TLL1: variants seen among roughly 807,000 people sequenced by gnomAD.
The protein encoded by TLL1 is tolloid-like protein 1.
A neutral mutation model predicts 128.2 loss-of-function variants in TLL1; 49 were observed. The ratio of observed to expected loss-of-function variants is 0.38; its 90% CI spans 0.30 to 0.48. TLL1 has a LOEUF of 0.48. Ranked by LOEUF, TLL1 falls within the 20% of genes least tolerant of loss-of-function variation. TLL1 has a pLI of 0.96. For synonymous variants in TLL1, 454 were observed against 418.8 expected (o/e 1.08, Z -1.03); for missense variants, 1,123 against 1,242.0 (o/e 0.90, Z 1.44).
rs111604853 is a variant in TLL1, at chr4:165,887,027, G to T, written c.169+12954G>T. 5.0e-3 allele frequency among the ~76,000 whole-genome samples: 754 copies of T among 152,280 alleles called. 5 individuals are homozygous for T. Among genetic ancestry groups the T allele is most frequent in the African/African-American group, 0.016 (678 of 41,564 alleles). ...ATGAAAATACAGGAAGTGGCAAATGGTCTAACATGGACAGAGCAAAGGATG... is the reference window on the plus strand; with the variant it reads ...ATGAAAATACAGGAAGTGGCAAATGTTCTAACATGGACAGAGCAAAGGATG... On this transcript the variant is annotated intron_variant, in intron 1 of 20. Transcript: ENST00000061240.
chr4:165,887,355 G>C (rs1001885183), intron 1 of TLL1, among the ~76,000 whole-genome samples: 3 of 152,136 alleles, frequency 2.0e-5, no homozygotes, highest in Non-Finnish European at 4.4e-5. Flanking sequence ...AGTAGCCACA[G>C]AAAAGAGGGA....
At chr4:166,087,520 G>A (rs1741578847) in intron 18 of TLL1, among the ~76,000 whole-genome samples, 2 of 152,154 alleles carry the variant, frequency 1.3e-5, no homozygotes, top group Admixed American at 6.5e-5. Context: ...GTGAAAGATG[G>A]CTGGGACTGG....
At chr4:165,912,001 G>A (rs1008426211) in intron 1 of TLL1, among the ~76,000 whole-genome samples, 3 of 151,892 alleles carry the variant, frequency 2.0e-5, no homozygotes, top group African/African-American at 7.3e-5. Context: ...TCAGCCTCCC[G>A]AGTAGCTGGG....
intron 1 of TLL1, among the ~76,000 whole-genome samples, chr4:165,904,643 A>T (rs928011947): frequency 2.0e-5 from 3 of 152,240 alleles, no homozygotes; most frequent in Non-Finnish European, 1.5e-5. Context: ...CTTAATTCAT[A>T]AAAGCACCAT....
chr4:166,096,449 TC>T (rs1175141592), intron 19 of TLL1, among the ~76,000 whole-genome samples: 1 of 152,020 alleles, frequency 6.6e-6, no homozygotes, highest in Admixed American at 6.6e-5. Flanking sequence ...AAAGACAACT[TC>T]CAGTGATTTT....
intron 1 of TLL1, among the ~76,000 whole-genome samples, chr4:165,967,528 C>T (rs907509266): frequency 5.9e-5 from 9 of 152,196 alleles, no homozygotes; most frequent in East Asian, 3.9e-4. Flanking sequence ...TGGCTTTGGC[C>T]GGTCACTCCG....
intron 1 of TLL1, among the ~76,000 whole-genome samples, chr4:165,959,756 CAATT>C (rs1387400671): frequency 6.6e-6 from 1 of 151,984 alleles, no homozygotes; most frequent in African/African-American, 2.4e-5. Flanking sequence ...ATGAAACACA[CAATT>C]AAGGCAGAAA....
At chr4:166,015,023 TA>T (rs140142627) in intron 8 of TLL1, among the ~76,000 whole-genome samples, 7,757 of 151,132 alleles carry the variant, frequency 0.051, 658 homozygotes, top group African/African-American at 0.17. Flanking sequence ...AACTTTGTTG[TA>T]AAAAAAAATG....
chr4:166,034,693 A>T (rs1738918802), intron 9 of TLL1, among the ~76,000 whole-genome samples: 1 of 152,166 alleles, frequency 6.6e-6, no homozygotes, highest in Admixed American at 6.6e-5. Flanking sequence ...ATAGAATATC[A>T]CCTATAGGAT....
intron 6 of TLL1, among the ~76,000 whole-genome samples, chr4:166,005,128 A>T (rs1330475860): frequency 6.6e-6 from 1 of 152,068 alleles, no homozygotes; most frequent in Non-Finnish European, 1.5e-5. Flanking sequence ...TTTTTAGACA[A>T]CAAGATGAAT....
chr4:166,025,369 C>T lies in TLL1; in HGVS notation c.1096C>T (p.Pro366Ser), dbSNP rs1411322301. The change falls in exon 9 of 21, where the codon CCC (proline) becomes TCC (serine). Residue 366 changes from proline (P) to serine (S), a missense_variant. Around this residue, in one of 3 missense-constraint regions of TLL1, gnomAD observed 480 missense variants for 542.4 expected, o/e 0.89. Coordinates refer to ENST00000061240, the MANE Select transcript of TLL1 (RefSeq NM_012464.5). ...SNGNLSSPGF[P>S]NGYPSYTHCI... ...TGGCAACCTTTCCTCTCCAGGATTTCCCAATGGCTACCCTTCTTACACACA... is the reference window on the plus strand; with the variant it reads ...TGGCAACCTTTCCTCTCCAGGATTTTCCAATGGCTACCCTTCTTACACACA... 1.2e-6 allele frequency: 2 copies of T among 1,613,966 alleles called. No individual in the cohort carries two copies. Among genetic ancestry groups the T allele is most frequent in the South Asian group, 1.1e-5 (1 of 91,078 alleles).
intron 5 of TLL1, among the ~76,000 whole-genome samples, chr4:165,998,357 CT>C (rs1736982217): frequency 6.6e-6 from 1 of 151,984 alleles, no homozygotes; most frequent in Non-Finnish European, 1.5e-5. Flanking sequence ...AACAATCTTA[CT>C]TTTTTTAATC....
chr4:166,032,512 C>T (rs1738817074), intron 9 of TLL1, among the ~76,000 whole-genome samples: 1 of 151,964 alleles, frequency 6.6e-6, no homozygotes, highest in African/African-American at 2.4e-5. Context: ...ACTAAAAAGA[C>T]CAGAATTATG....
At chr4:166,013,069 C>G (rs1737771936) in intron 7 of TLL1, among the ~76,000 whole-genome samples, 2 of 151,650 alleles carry the variant, frequency 1.3e-5, no homozygotes. Context: ...GTTTCTTGTT[C>G]TTTCTGTCTG....
intron 8 of TLL1, among the ~76,000 whole-genome samples, chr4:166,016,128 TA>T (rs1737932215): frequency 6.6e-6 from 1 of 152,162 alleles, no homozygotes; most frequent in South Asian, 2.1e-4. Context: ...CATATTTACG[TA>T]AATCCCTTTA....
At chr4:166,066,240 G>A (rs1740571065) in intron 16 of TLL1, among the ~76,000 whole-genome samples, 1 of 151,118 alleles carries the variant, frequency 6.6e-6, no homozygotes, top group Non-Finnish European at 1.5e-5. Context: ...CATCATTATA[G>A]AAATGGTTGC....
intron 12 of TLL1, among the ~76,000 whole-genome samples, chr4:166,047,170 C>A (rs1011670179): frequency 6.8e-6 from 1 of 148,108 alleles, no homozygotes; most frequent in African/African-American, 2.5e-5. Context: ...GTTTATTATT[C>A]TTTTTTTTTT....
At position 165,995,085 on chromosome 4, in the gene TLL1, A is replaced by G; in HGVS notation, c.539A>G (p.Gln180Arg). 6 of 1,613,824 alleles carry G rather than the reference A, an allele frequency of 3.7e-6. No homozygotes were observed. The highest frequency in any genetic ancestry group is 5.1e-6 in the Non-Finnish European group (6 of 1,179,880). ...GGCAGCCAGAGAGCCATGTTCAAGCAGGCCATGAGGCACTGGGAAAAGCAC... is the reference window on the plus strand; with the variant it reads ...GGCAGCCAGAGAGCCATGTTCAAGCGGGCCATGAGGCACTGGGAAAAGCAC... ...FTGSQRAMFK[Q>R]AMRHWEKHTC... The change falls in exon 5 of 21, where the codon CAG becomes CGG. Residue 180 changes from glutamine to arginine, a missense_variant. Physicochemically the swap from Gln to Arg is conservative, Grantham distance 43. Transcript: ENST00000061240.
intron 1 of TLL1, among the ~76,000 whole-genome samples, chr4:165,910,744 C>T (rs779621519): frequency 5.9e-5 from 9 of 152,166 alleles, no homozygotes; most frequent in South Asian, 2.1e-4. Flanking sequence ...CAAATAACTA[C>T]GCCCATCACT....
Sources: allele counts gnomAD v4.1 joint callset (sites outside exome capture counted in the v4.1 genomes callset), GRCh38; gene constraint gnomAD v4.1.1; regional missense constraint gnomAD v4.1.1; transcripts MANE v1.5; gene names NCBI Gene and HGNC (gene_info 2026-07-23, HGNC 2026-07-21).